Variants in IARS1 observed in about 807,000 individuals in gnomAD.
IARS1 encodes the protein isoleucine--tRNA ligase, cytoplasmic.
Under a neutral mutation model 168.2 loss-of-function variants are expected in IARS1, and 124 were observed. That is an observed-to-expected ratio of 0.74 (90% CI 0.64 to 0.86). The LOEUF (loss-of-function observed/expected upper bound fraction) is 0.86. Among genes scored for constraint, IARS1 ranks in the 40% least tolerant of loss-of-function variants. The pLI is 0.00. For missense variants in IARS1, 1,452 were observed against 1,515.8 expected (o/e 0.96, Z 0.70); for synonymous variants, 532 against 529.4 (o/e 1.00, Z -0.07).
intron 1 of IARS1, among the ~76,000 whole-genome samples, chr9:92,290,644 T>C (rs1006709450): frequency 6.6e-6 from 1 of 152,174 alleles, no homozygotes; most frequent in Non-Finnish European, 1.5e-5. Context: ...CGCTTACATT[T>C]AGGCCACAAA....
chr9:92,215,126 G>A (rs190798892), intron 33 of IARS1, among the ~76,000 whole-genome samples: 336 of 152,336 alleles, frequency 2.2e-3, no homozygotes, highest in African/African-American at 7.9e-3. Flanking sequence ...TGACCCCCGA[G>A]CAGCCTATCT....
chr9:92,247,986 G>T lies in IARS1; in HGVS notation c.2617-435C>A, dbSNP rs888564887. ...ACGAGGAAAATGTTCTAAAACTATG[G>T]TGATAGTTGTACCATTCTATAAATA... On this transcript the variant is annotated intron_variant, in intron 25 of 33. Coordinates refer to ENST00000443024, the MANE Select transcript of IARS1 (RefSeq NM_002161.6). 3.9e-5 allele frequency among the ~76,000 whole-genome samples: 6 copies of T among 152,322 alleles called. No homozygotes were observed. The South Asian group carries it at 6.2e-4, about 16-fold the overall frequency.
chr9:92,271,390 G>T, intron 11 of IARS1, 143 bp downstream of exon 11: 1 of 1,042,592 alleles, frequency 9.6e-7, no homozygotes, highest in Non-Finnish European at 1.4e-6. Context: ...GAACGTAACT[G>T]ATAACATCTG....
At chr9:92,212,820 C>A (rs1292733229) in intron 33 of IARS1, among the ~76,000 whole-genome samples, 1 of 152,068 alleles carries the variant, frequency 6.6e-6, no homozygotes, top group African/African-American at 2.4e-5. Flanking sequence ...AGGGAAGGCC[C>A]AGAGCAGGAA....
At chr9:92,233,122 G>T (rs1399115943) in intron 30 of IARS1, among the ~76,000 whole-genome samples, 1 of 152,196 alleles carries the variant, frequency 6.6e-6, no homozygotes, top group Non-Finnish European at 1.5e-5. Flanking sequence ...CGTTAGATCT[G>T]CATGGGAAGC....
chr9:92,231,410 TTTTC>T (rs1360496158), intron 30 of IARS1, among the ~76,000 whole-genome samples: 1 of 151,296 alleles, frequency 6.6e-6, no homozygotes, highest in East Asian at 1.9e-4. Context: ...TGTGTTATTT[TTTTC>T]TTTTTTTTTT....
At chr9:92,242,995 GA>G in intron 28 of IARS1, 6 of 445,002 alleles carry the variant, frequency 1.3e-5, no homozygotes, top group South Asian at 2.2e-5. Context: ...AAAAGGATGG[GA>G]AAAGGCACAG....
chr9:92,259,146 A>T (rs1483884116), intron 18 of IARS1, 148 bp from the exon 19 acceptor site: 2 of 679,854 alleles, frequency 2.9e-6, no homozygotes, highest in Non-Finnish European at 4.8e-6. Flanking sequence ...GGTCAATTTA[A>T]AACTCACAAA....
At chr9:92,225,959 CTGGAAAAGTGTACCAGCAGT>C (rs1825602051) in intron 31 of IARS1, among the ~76,000 whole-genome samples, 1 of 152,234 alleles carries the variant, frequency 6.6e-6, no homozygotes, top group African/African-American at 2.4e-5. Context: ...GTGCAACTCT[CTGGAAAAGTGTACCAGCAGT>C]TTCTTCTGCA....
intron 33 of IARS1, among the ~76,000 whole-genome samples, chr9:92,211,266 G>A (rs1218275363): frequency 2.6e-5 from 4 of 152,176 alleles, no homozygotes; most frequent in African/African-American, 9.7e-5. Flanking sequence ...CAAGGCTCGA[G>A]TGAGCTTCCC....
At chr9:92,268,958 C>G (rs1264585274) in intron 13 of IARS1, among the ~76,000 whole-genome samples, 5 of 152,162 alleles carry the variant, frequency 3.3e-5, no homozygotes, top group African/African-American at 9.7e-5. Context: ...AAGGCTGAGT[C>G]AGGGTAGGCT....
intron 2 of IARS1, among the ~76,000 whole-genome samples, chr9:92,288,509 T>C (rs1050420263): frequency 1.3e-5 from 2 of 152,224 alleles, no homozygotes; most frequent in Non-Finnish European, 2.9e-5. Context: ...TTTTCATTTA[T>C]TAGTTCCATG....
rs1554730503 is a variant in IARS1 at position 92,282,839 on chromosome 9, C to CACATATATAT, written c.598-1947_598-1946insATATATATGT. Reference sequence around the variant, plus strand: ...ATACTTACATATATACATACACACACATATATATATATATATATATATTTT... The same window carrying CACATATATAT: ...ATACTTACATATATACATACACACACACATATATATATATATATATATATATATATATTTT... On this transcript the variant is annotated intron_variant, in intron 6 of 33. Transcript: ENST00000443024. Among the ~76,000 whole-genome samples the CACATATATAT allele has an allele frequency of 2.6e-3, 370 of 142,184 alleles. 4 individuals carry two copies. The highest frequency in any genetic ancestry group is 0.011 in the Middle Eastern group (3 of 274). The allele number at this position is 142,184 out of a possible 152,430, so 93.3% of individuals were successfully genotyped here.
chr9:92,243,237 G>A lies in IARS1; in HGVS notation c.2979C>T (p.Arg993=), dbSNP rs544016745. 2 of 1,613,424 alleles carry A rather than the reference G, an allele frequency of 1.2e-6. No individual in the cohort carries two copies. Among genetic ancestry groups the A allele is most frequent in the Admixed American group, 1.7e-5 (1 of 60,012 alleles). Residue 993 remains arginine, a synonymous_variant, in exon 28 of 34, where the codon CGC becomes CGT. Transcript: ENST00000443024. Reference sequence around the variant, plus strand: ...TAACCTTTTTGCGAAGTTTCTGTATGCGATTGATGACTTCCCGAGCCATTC... The same window carrying A: ...TAACCTTTTTGCGAAGTTTCTGTATACGATTGATGACTTCCCGAGCCATTC... ...DEGMAREVIN[R]IQKLRKKCNL...
intron 33 of IARS1, among the ~76,000 whole-genome samples, chr9:92,220,880 C>T (rs1014722913): frequency 1.3e-5 from 2 of 152,056 alleles, no homozygotes; most frequent in Non-Finnish European, 2.9e-5. Context: ...GGGAGGATCG[C>T]TGGATCCCAG....
In IARS1 at chr9:92,250,762, G is replaced by T. The variant is rs947513254; in HGVS notation, c.2380C>A (p.Gln794Lys). 6.2e-6 allele frequency: 10 copies of T among 1,613,682 alleles called. No individual in the cohort carries two copies. Among genetic ancestry groups the T allele is most frequent in the Non-Finnish European group, 8.5e-6 (10 of 1,179,830 alleles). Residue 794 changes from glutamine (Q) to lysine (K), a missense_variant, in exon 23 of 34, where the codon CAG becomes AAG. Gln to Lys is a moderately conservative substitution (Grantham distance 53). Transcript: ENST00000443024. ...TGAATGCTGAGTGTGTCCTTGTCCT[G>T]AACAGAAACAGGGTCAATCAGCACC... ...LKVLIDPVSV[Q>K]DKDTLSIHYL...
chr9:92,276,407 G>C (rs1484117718), intron 9 of IARS1, among the ~76,000 whole-genome samples: 1 of 152,194 alleles, frequency 6.6e-6, no homozygotes, highest in Non-Finnish European at 1.5e-5. Flanking sequence ...ATACCGACTG[G>C]GGAGGGCACG....
Position 92,273,645 on chromosome 9 carries a change from A to G in IARS1, c.990+781T>C, listed in dbSNP as rs1833400600. On this transcript the variant is annotated intron_variant, in intron 10 of 33. Coordinates refer to ENST00000443024, the MANE Select transcript of IARS1 (RefSeq NM_002161.6). ...CACTAAAAGCCCAGATTTTACTACTATACAACATATCAATGTAAAAAAATT... is the reference window on the plus strand; with the variant it reads ...CACTAAAAGCCCAGATTTTACTACTGTACAACATATCAATGTAAAAAAATT... 5.2e-5 allele frequency among the ~76,000 whole-genome samples: 8 copies of G among 152,388 alleles called. No individual in the cohort carries two copies. In the South Asian group the frequency reaches 1.7e-3, roughly 32 times the overall value.
At chr9:92,245,412 C>T (rs1246233291) in intron 26 of IARS1, among the ~76,000 whole-genome samples, 1 of 152,184 alleles carries the variant, frequency 6.6e-6, no homozygotes, top group Non-Finnish European at 1.5e-5. Flanking sequence ...GAAGAAAATA[C>T]AGTCTTTAAA....
Sources: gnomAD v4.1 joint callset for allele counts (sites outside exome capture counted in the v4.1 genomes callset) on GRCh38, gnomAD v4.1.1 for gene constraint, MANE v1.5 for transcripts, NCBI Gene and HGNC (gene_info 2026-07-23, HGNC 2026-07-21) for gene names.